Variants in NBEA observed in about 807,000 individuals in gnomAD.
NBEA encodes lysosomal-trafficking regulator 2.
Under a neutral mutation model 343.4 loss-of-function variants are expected in NBEA, and 44 were observed. That is an observed-to-expected ratio of 0.13 (90% CI 0.10 to 0.16). The LOEUF is 0.16. Ranked by LOEUF, NBEA falls within the 10% of genes least tolerant of loss-of-function variation. NBEA has a pLI of 1.00. For synonymous variants in NBEA, 1,175 were observed against 1,238.7 expected (o/e 0.95, Z 1.08); for missense variants, 2,555 against 3,631.3 (o/e 0.70, Z 7.62).
Position 35,211,193 on chromosome 13 carries a change from C to A in NBEA, c.5648+14C>A. ...TGAAAATATGAGGTATGCATGACTA[C>A]TTTTTATTCATTTTAACTCTTTTTA... On this transcript the variant is annotated intron_variant, in intron 33 of 58. Coordinates refer to ENST00000379939, the MANE Select transcript of NBEA (RefSeq NM_001385012.1). 1 of 1,540,084 alleles carries A rather than the reference C, an allele frequency of 6.5e-7. No individual in the cohort carries two copies. The highest frequency in any genetic ancestry group is 8.8e-7 in the Non-Finnish European group (1 of 1,142,230).
intron 41 of NBEA, chr13:35,475,868 C>A: frequency 6.2e-7 from 1 of 1,614,046 alleles, no homozygotes; most frequent in Non-Finnish European, 8.5e-7. Flanking sequence ...AGTGAGCCAT[C>A]GTCCACGAAG....
intron 12 of NBEA, among the ~76,000 whole-genome samples, chr13:35,110,306 A>G (rs1166409175): frequency 6.6e-6 from 1 of 151,186 alleles, no homozygotes; most frequent in African/African-American, 2.4e-5. Context: ...TGCCATCTCT[A>G]TGCTCACATG....
At chr13:35,248,595 C>A (rs1244348872) in intron 34 of NBEA, among the ~76,000 whole-genome samples, 7 of 118,634 alleles carry the variant, frequency 5.9e-5, no homozygotes, top group Non-Finnish European at 1.4e-4. Flanking sequence ...CAAAGCAAAA[C>A]AAACAAGCAA....
chr13:34,982,084 A>C (rs996431877), intron 1 of NBEA, among the ~76,000 whole-genome samples: 1 of 151,734 alleles, frequency 6.6e-6, no homozygotes. Context: ...TTATGTTCTT[A>C]TTATTACTTT....
intron 23 of NBEA, among the ~76,000 whole-genome samples, chr13:35,163,317 C>T (rs1450638953): frequency 6.6e-6 from 1 of 151,966 alleles, no homozygotes; most frequent in Non-Finnish European, 1.5e-5. Context: ...CAATTTTGAC[C>T]ATGAAGTAAT....
chr13:35,556,149 AC>A (rs2079562370), intron 44 of NBEA, among the ~76,000 whole-genome samples: 1 of 152,064 alleles, frequency 6.6e-6, no homozygotes, highest in Admixed American at 6.6e-5. Context: ...TATGTGTAGT[AC>A]ATACACATAT....
intron 33 of NBEA, among the ~76,000 whole-genome samples, chr13:35,228,102 T>G (rs2074764734): frequency 6.6e-6 from 1 of 152,118 alleles, no homozygotes; most frequent in Non-Finnish European, 1.5e-5. Context: ...TAATTGTATT[T>G]TTATTCATAC....
At chr13:35,068,091 A>G (rs2063722348) in intron 8 of NBEA, among the ~76,000 whole-genome samples, 1 of 152,118 alleles carries the variant, frequency 6.6e-6, no homozygotes, top group South Asian at 2.1e-4. Flanking sequence ...CAAGTAAGGA[A>G]AGATAAGAAA....
At chr13:35,041,990 C>T (rs2062668441) in intron 2 of NBEA, among the ~76,000 whole-genome samples, 1 of 151,868 alleles carries the variant, frequency 6.6e-6, no homozygotes, top group Non-Finnish European at 1.5e-5. Flanking sequence ...TGATATTACC[C>T]TCCACAGTAT....
intron 1 of NBEA, among the ~76,000 whole-genome samples, chr13:34,961,467 G>C (rs1214661249): frequency 6.6e-6 from 1 of 151,852 alleles, no homozygotes; most frequent in African/African-American, 2.4e-5. Context: ...TTTCTCTGTG[G>C]CTTCCCCTCC....
At chr13:35,485,503 A>G (rs2076274884) in intron 41 of NBEA, among the ~76,000 whole-genome samples, 1 of 152,130 alleles carries the variant, frequency 6.6e-6, no homozygotes, top group Non-Finnish European at 1.5e-5. Context: ...GGAAAATTCA[A>G]ATATGTTCAC....
At chr13:35,647,702 G>T (rs4338659) in intron 51 of NBEA, among the ~76,000 whole-genome samples, 69,521 of 151,524 alleles carry the variant, frequency 0.46, 16,246 homozygotes, top group Middle Eastern at 0.62. Flanking sequence ...GAGTAGCCGG[G>T]ATTACAGGTG....
intron 55 of NBEA, among the ~76,000 whole-genome samples, chr13:35,659,965 G>A (rs543588847): frequency 2.6e-5 from 4 of 152,188 alleles, no homozygotes; most frequent in Non-Finnish European, 5.9e-5. Flanking sequence ...AGCAGAGCAG[G>A]CAATTTGTGC....
chr13:34,991,954 T>C (rs1186685076), intron 1 of NBEA, among the ~76,000 whole-genome samples: 1 of 150,748 alleles, frequency 6.6e-6, no homozygotes, highest in African/African-American at 2.4e-5. Context: ...ATTTAAAAAA[T>C]GTACCACTGT....
At chr13:35,059,007 C>T (rs1443611416) in intron 8 of NBEA, 144 bp downstream of exon 8, 2 of 654,270 alleles carry the variant, frequency 3.1e-6, no homozygotes, top group African/African-American at 3.8e-5. Flanking sequence ...TTATATGTTT[C>T]TTTTTGGTTC....
chr13:35,075,806 A>T (rs1291378084), intron 10 of NBEA, among the ~76,000 whole-genome samples: 1 of 152,068 alleles, frequency 6.6e-6, no homozygotes, highest in Non-Finnish European at 1.5e-5. Context: ...ATTGTAATAC[A>T]TAAAGCAACA....
chr13:35,650,632 G>A (rs990285195), intron 52 of NBEA, among the ~76,000 whole-genome samples: 4 of 152,168 alleles, frequency 2.6e-5, no homozygotes, highest in Non-Finnish European at 5.9e-5. Context: ...AACCCGGGCA[G>A]CAGAGGTTGC....
At chr13:35,217,066 G>T (rs1360689375) in intron 33 of NBEA, among the ~76,000 whole-genome samples, 1 of 151,866 alleles carries the variant, frequency 6.6e-6, no homozygotes, top group African/African-American at 2.4e-5. Flanking sequence ...ATTTTTTTAA[G>T]CATTCTGATA....
intron 38 of NBEA, among the ~76,000 whole-genome samples, chr13:35,422,324 G>A (rs1247300070): frequency 2.7e-5 from 3 of 111,030 alleles, no homozygotes; most frequent in African/African-American, 3.6e-5. Context: ...ACAGTCCCCA[G>A]TGTGTGATGT....
Sources: allele counts gnomAD v4.1 joint callset (sites outside exome capture counted in the v4.1 genomes callset), GRCh38; gene constraint gnomAD v4.1.1; transcripts MANE v1.5; gene names NCBI Gene and HGNC (gene_info 2026-07-23, HGNC 2026-07-21).